Variants in TAS2R1 observed in about 807,000 individuals in gnomAD.
TAS2R1 encodes taste receptor type 2 member 1.
For missense variants in TAS2R1, 370 were observed against 353.4 expected (o/e 1.05, Z -0.38); for synonymous variants, 141 against 134.2 (o/e 1.05, Z -0.35).
At chr5:9,878,598 A>G in the TAS2R1 span, among the ~76,000 whole-genome samples, 2 of 152,226 alleles carry the variant, frequency 1.3e-5, no homozygotes, top group Non-Finnish European at 2.9e-5. Context: ...TACTTAGGTC[A>G]TATGGTCACT....
At chr5:9,768,854 A>C in the TAS2R1 span, among the ~76,000 whole-genome samples, 1 of 152,238 alleles carries the variant, frequency 6.6e-6, no homozygotes, top group Admixed American at 6.5e-5. Context: ...CATACAATGC[A>C]TAATAAGCAC....
At chr5:9,657,658 C>T (rs1740440968) in intron 2 of TAS2R1, among the ~76,000 whole-genome samples, 1 of 152,144 alleles carries the variant, frequency 6.6e-6, no homozygotes, top group South Asian at 2.1e-4. Flanking sequence ...AAGACAGACG[C>T]TGTATTATTT....
the TAS2R1 span, among the ~76,000 whole-genome samples, chr5:9,900,622 T>C: frequency 6.8e-6 from 1 of 147,660 alleles, no homozygotes; most frequent in East Asian, 2.0e-4. Context: ...CAAATGGTTT[T>C]TTTTTTTTTT....
At chr5:9,868,408 T>C in the TAS2R1 span, among the ~76,000 whole-genome samples, 2 of 152,310 alleles carry the variant, frequency 1.3e-5, no homozygotes, top group South Asian at 2.1e-4. Flanking sequence ...CTGTTAAGGC[T>C]TGGGTCTGGA....
chr5:9,674,351 G>T (rs1013575048), intron 1 of TAS2R1, among the ~76,000 whole-genome samples: 1 of 152,058 alleles, frequency 6.6e-6, no homozygotes, highest in Admixed American at 6.6e-5. Context: ...CATGGCTTAA[G>T]AAACAAATAA....
chr5:9,663,175 T>G (rs952545786), intron 1 of TAS2R1, among the ~76,000 whole-genome samples: 3 of 152,262 alleles, frequency 2.0e-5, no homozygotes, highest in African/African-American at 7.2e-5. Flanking sequence ...TAGCTTAATC[T>G]CATGCAAACT....
chr5:9,852,115 T>C, the TAS2R1 span, among the ~76,000 whole-genome samples: 1 of 152,182 alleles, frequency 6.6e-6, no homozygotes, highest in Admixed American at 6.5e-5. Context: ...ATAGATGTGC[T>C]TAAAAAATCA....
the TAS2R1 span, among the ~76,000 whole-genome samples, chr5:9,738,454 A>C: frequency 1.3e-5 from 2 of 152,222 alleles, no homozygotes; most frequent in Admixed American, 1.3e-4. Flanking sequence ...CCTGAAGCCA[A>C]AGCACATTCT....
chr5:9,709,124 T>C (rs1234704079), intron 1 of TAS2R1, among the ~76,000 whole-genome samples: 3 of 149,410 alleles, frequency 2.0e-5, no homozygotes, highest in African/African-American at 7.5e-5. Flanking sequence ...CAAACCACCA[T>C]GGCACATGTA....
the TAS2R1 span, among the ~76,000 whole-genome samples, chr5:9,812,289 G>A: frequency 2.0e-5 from 3 of 151,842 alleles, no homozygotes; most frequent in Admixed American, 6.6e-5. Flanking sequence ...AAACATTAGA[G>A]TATACATATA....
chr5:9,677,127 C>A (rs184186921), intron 1 of TAS2R1, among the ~76,000 whole-genome samples: 36 of 152,224 alleles, frequency 2.4e-4, no homozygotes, highest in African/African-American at 8.7e-4. Flanking sequence ...GAGCTGGAAA[C>A]CATTATCGTT....
chr5:9,840,427 CAT>C, the TAS2R1 span, among the ~76,000 whole-genome samples: 1 of 152,134 alleles, frequency 6.6e-6, no homozygotes. Context: ...TTTAGTTATT[CAT>C]ATCTTATTAT....
the TAS2R1 span, among the ~76,000 whole-genome samples, chr5:9,785,390 C>A: frequency 6.6e-6 from 1 of 152,206 alleles, no homozygotes; most frequent in Non-Finnish European, 1.5e-5. Context: ...GCCAAGCCAT[C>A]TTCCAAGGCT....
chr5:9,705,185 T>A (rs973900977), intron 1 of TAS2R1, among the ~76,000 whole-genome samples: 5 of 151,584 alleles, frequency 3.3e-5, no homozygotes, highest in Non-Finnish European at 7.4e-5. Flanking sequence ...CATGCATGCA[T>A]GTGTATAAAG....
intron 2 of TAS2R1, among the ~76,000 whole-genome samples, chr5:9,637,284 G>A (rs1739982490): frequency 6.6e-6 from 1 of 152,158 alleles, no homozygotes; most frequent in Non-Finnish European, 1.5e-5. Context: ...TAAGGTTTTT[G>A]CTGAGAAGTC....
chr5:9,771,278 G>A, the TAS2R1 span, among the ~76,000 whole-genome samples: 3 of 152,172 alleles, frequency 2.0e-5, no homozygotes, highest in South Asian at 6.2e-4. Flanking sequence ...AAATGATCAC[G>A]TGGTTTTTAT....
chr5:9,813,934 T>G, the TAS2R1 span, among the ~76,000 whole-genome samples: 3 of 152,138 alleles, frequency 2.0e-5, no homozygotes, highest in African/African-American at 7.2e-5. Flanking sequence ...CTTCCAAGAT[T>G]TTTCCTTCAT....
chr5:9,802,545 G>C, the TAS2R1 span, among the ~76,000 whole-genome samples: 1 of 152,092 alleles, frequency 6.6e-6, no homozygotes, highest in Non-Finnish European at 1.5e-5. Context: ...AAAGATCATA[G>C]GTCCAAAGAT....
chr5:9,716,481 A>G (rs1579798072), upstream of TAS2R1, among the ~76,000 whole-genome samples: 1 of 152,104 alleles, frequency 6.6e-6, no homozygotes, highest in Non-Finnish European at 1.5e-5. Context: ...GTGGGACAAA[A>G]CCCAGAGACA....
Sources: allele counts gnomAD v4.1 joint callset (sites outside exome capture counted in the v4.1 genomes callset), GRCh38; gene constraint gnomAD v4.1.1; transcripts MANE v1.5; gene names NCBI Gene and HGNC (gene_info 2026-07-23, HGNC 2026-07-21).